PKD2L1: variants seen among roughly 807,000 people sequenced by gnomAD.
PKD2L1 encodes the protein polycystin 2 like 1, transient receptor potential cation channel, also known as polycystin-2-like protein 1.
Under a neutral mutation model 93.0 loss-of-function variants are expected in PKD2L1, and 77 were observed. The observed-to-expected ratio is 0.83, with a 90% confidence interval of 0.69 to 1.00. The LOEUF is 1.00. Ranked by LOEUF, PKD2L1 falls within the 50% of genes least tolerant of loss-of-function variation. PKD2L1 has a pLI of 0.00. For synonymous variants in PKD2L1, 390 were observed against 388.0 expected, an observed-to-expected ratio of 1.01 and a Z score of -0.06; for missense variants, 977 against 990.9, an observed-to-expected ratio of 0.99 and a Z score of 0.19.
chr10:100,327,236 T>G (rs1849399701), intron 2 of PKD2L1, among the ~76,000 whole-genome samples: 1 of 152,172 alleles, frequency 6.6e-6, no homozygotes, highest in African/African-American at 2.4e-5. Flanking sequence ...GTTGGGCTGG[T>G]TGGCCACCTG....
Position 100,297,085 on chromosome 10 carries a change from G to C in PKD2L1, c.1080C>G (p.Cys360Trp), listed in dbSNP as rs150913711. Residue 360 changes from cysteine to tryptophan, a missense_variant, in exon 6 of 16, where the codon TGC (cysteine) becomes TGG (tryptophan). Transcript: ENST00000318222. ...CCACCACATAGTAGAAGATGAAGAC[G>C]CAGAAGATGACCTCACAGCCAACGA... ...FFIVGCEVIF[C>W]VFIFYYVVEE... 12 of 1,613,896 alleles carry C rather than the reference G, an allele frequency of 7.4e-6. No individual in the cohort carries two copies. The highest frequency in any genetic ancestry group is 1.6e-4 in the Middle Eastern group (1 of 6,084).
chr10:100,289,487 C>G (rs646637), intron 14 of PKD2L1, among the ~76,000 whole-genome samples: 2 of 152,000 alleles, frequency 1.3e-5, no homozygotes, highest in Admixed American at 1.3e-4. Context: ...TGCAGTGAGC[C>G]GAGATCGTGC....
chr10:100,299,024 CGCAACCTCT>C (rs56829642), intron 3 of PKD2L1, among the ~76,000 whole-genome samples: 25,882 of 151,818 alleles, frequency 0.17, 2,609 homozygotes, highest in African/African-American at 0.29. Context: ...CTCGGCTCAC[CGCAACCTCT>C]GCAACCTCTG....
chr10:100,296,644 G>A (rs1298076200), intron 6 of PKD2L1, among the ~76,000 whole-genome samples: 1 of 152,034 alleles, frequency 6.6e-6, no homozygotes. Flanking sequence ...GAAGATGAAG[G>A]GGCAGAATAT....
At chr10:100,305,668 T>A (rs1201182280) in intron 2 of PKD2L1, among the ~76,000 whole-genome samples, 2 of 152,034 alleles carry the variant, frequency 1.3e-5, no homozygotes, top group Non-Finnish European at 2.9e-5. Flanking sequence ...GTAGAAATGG[T>A]GCTGGCAGAA....
At chr10:100,299,762 C>G (rs1276342925) in intron 2 of PKD2L1, 44 bp from the exon 3 acceptor site, 4 of 1,593,170 alleles carry the variant, frequency 2.5e-6, no homozygotes, top group Non-Finnish European at 3.4e-6. Context: ...ACTGTTCCCC[C>G]AGAGGAGACA....
At chr10:100,299,837 C>A in intron 2 of PKD2L1, 119 bp from the exon 3 acceptor site, 1 of 852,934 alleles carries the variant, frequency 1.2e-6, no homozygotes, top group Non-Finnish European at 1.9e-6. Flanking sequence ...CATCTGGACC[C>A]ATCCTCTAGA....
At chr10:100,297,357 G>A in intron 5 of PKD2L1, 25 bp downstream of exon 5, 4 of 1,589,722 alleles carry the variant, frequency 2.5e-6, no homozygotes, top group Non-Finnish European at 2.6e-6. Flanking sequence ...TGGACAGGGT[G>A]ATAAAGTAGG....
At chr10:100,328,932 C>T (rs950589127) in intron 2 of PKD2L1, among the ~76,000 whole-genome samples, 1 of 152,210 alleles carries the variant, frequency 6.6e-6, no homozygotes, top group Non-Finnish European at 1.5e-5. Flanking sequence ...TTCACCTTTT[C>T]AGCCAATAGA....
rs1848475937 is a variant in PKD2L1, at chr10:100,294,527, A to G, written c.1659+8T>C. The G allele has an allele frequency of 1.2e-6, 2 of 1,613,936 alleles. No individual in the cohort carries two copies. Among genetic ancestry groups the G allele is most frequent in the Non-Finnish European group, 1.7e-6 (2 of 1,179,998 alleles). On this transcript the variant is annotated splice_region_variant and intron_variant, in intron 9 of 15. Coordinates refer to ENST00000318222, the MANE Select transcript of PKD2L1 (RefSeq NM_016112.3). ...CTCTATGTCCCCACCCCTCAGAGAGACCCTCACCAGGAGCACGAAGAAGAC... is the reference window on the plus strand; with the variant it reads ...CTCTATGTCCCCACCCCTCAGAGAGGCCCTCACCAGGAGCACGAAGAAGAC...
At position 100,329,190 on chromosome 10, in the gene PKD2L1, A is replaced by G. The variant is rs750824664; in HGVS notation, c.349+21T>C. Reference sequence around the variant, plus strand: ...AGATGTTTCTCACAGACAGATGTACACAAACACAGATGCTACTCACGTAGA... The same window carrying G: ...AGATGTTTCTCACAGACAGATGTACGCAAACACAGATGCTACTCACGTAGA... On this transcript the variant is annotated intron_variant, in intron 2 of 15. Transcript: ENST00000318222. 6 of 1,612,726 alleles carry G rather than the reference A, an allele frequency of 3.7e-6. 1 individual carries two copies. The highest frequency in any genetic ancestry group is 2.2e-5 in the South Asian group (2 of 91,044).
chr10:100,296,812 T>C (rs377736507), intron 6 of PKD2L1, among the ~76,000 whole-genome samples, 168 bp downstream of exon 6: 1 of 151,596 alleles, frequency 6.6e-6, no homozygotes, highest in African/African-American at 2.4e-5. Context: ...TCCCAAGGGC[T>C]GAGAGAGGGG....
At chr10:100,293,510 A>G (rs1415283347) in intron 9 of PKD2L1, 131 bp from the exon 10 acceptor site, 1 of 646,030 alleles carries the variant, frequency 1.5e-6, no homozygotes, top group East Asian at 2.7e-5. Flanking sequence ...TCGGCAGCCC[A>G]TCAATCCCTG....
At position 100,288,980 on chromosome 10, in the gene PKD2L1, T is replaced by C. The variant is rs777315215; in HGVS notation, c.2327A>G (p.Gln776Arg). 1.1e-5 allele frequency: 18 copies of C among 1,602,898 alleles called. No individual in the cohort carries two copies. In the Admixed American group the frequency reaches 1.4e-4, roughly 12 times the overall value. ...TPDPWGVQGG[Q>R]ESEVPYKREE... ...TAGGCCCCCTTCCTCACCACTCTCC[T>C]GCCCACCCTGGACTCCCCAGGGGTC... The change falls in exon 15 of 16, where the codon CAG becomes CGG. Residue 776 changes from glutamine (Q) to arginine (R), a missense_variant. Gln to Arg is a conservative substitution (Grantham distance 43, BLOSUM62 1). Coordinates refer to ENST00000318222, the MANE Select transcript of PKD2L1 (RefSeq NM_016112.3).
At chr10:100,308,674 C>T (rs1848863367) in intron 2 of PKD2L1, among the ~76,000 whole-genome samples, 1 of 152,138 alleles carries the variant, frequency 6.6e-6, no homozygotes. Context: ...GATAATATAG[C>T]AAGCAAGTAT....
In PKD2L1 at chr10:100,327,259, G is replaced by C. The variant is rs569569231; in HGVS notation, c.349+1952C>G. On this transcript the variant is annotated intron_variant, in intron 2 of 15. Transcript: ENST00000318222. ...GGTTGGCCACCTGACAGAGCACCAT[G>C]GGAAGGATCACAGAGAAAGGATTCC... Among the ~76,000 whole-genome samples the C allele has an allele frequency of 1.2e-4, 18 of 152,304 alleles. 2 individuals carry two copies. In the South Asian group the frequency reaches 3.7e-3, roughly 32 times the overall value.
chr10:100,305,978 T>A (rs902727644), intron 2 of PKD2L1, among the ~76,000 whole-genome samples: 1 of 151,644 alleles, frequency 6.6e-6, no homozygotes, highest in Non-Finnish European at 1.5e-5. Flanking sequence ...AGTCCAGGAG[T>A]TCGATATCAG....
chr10:100,314,347 A>G (rs931899353), intron 2 of PKD2L1, among the ~76,000 whole-genome samples: 2 of 152,178 alleles, frequency 1.3e-5, no homozygotes, highest in Non-Finnish European at 1.5e-5. Flanking sequence ...AGGACCAGGG[A>G]GAAAAGAAGA....
At chr10:100,307,458 A>T (rs972126497) in intron 2 of PKD2L1, among the ~76,000 whole-genome samples, 1 of 152,166 alleles carries the variant, frequency 6.6e-6, no homozygotes, top group African/African-American at 2.4e-5. Flanking sequence ...GGGAATTCAT[A>T]GAGCAGCATG....
Sources: allele counts gnomAD v4.1 joint callset (sites outside exome capture counted in the v4.1 genomes callset), GRCh38; gene constraint gnomAD v4.1.1; transcripts MANE v1.5; gene names NCBI Gene and HGNC (gene_info 2026-07-23, HGNC 2026-07-21).